PSD4: variants seen among roughly 807,000 people sequenced by gnomAD.
PSD4 encodes pleckstrin and Sec7 domain containing 4.
In PSD4, 59 loss-of-function variants were observed where a neutral mutation model predicts 112.5. The ratio of observed to expected loss-of-function variants is 0.52; its 90% confidence interval spans 0.43 to 0.65. The LOEUF (loss-of-function observed/expected upper bound fraction) is 0.65. Among genes scored for constraint, PSD4 ranks in the 30% least tolerant of loss-of-function variants. The pLI, the probability that PSD4 is intolerant of heterozygous loss-of-function variation, is 0.00. For missense variants in PSD4, 1,267 were observed against 1,352.6 expected (o/e 0.94, Z 0.99); for synonymous variants, 533 against 540.0 (o/e 0.99, Z 0.18).
At position 113,185,754 on chromosome 2, in the gene PSD4, G is replaced by A. The variant is rs766945011; in HGVS notation, c.1250-123G>A. The stretch of plus-strand genomic sequence containing the variant: ...AAGTGGGAGAGGTCACTGCCCGAGG[G>A]AGGACAGGGCATGCTGCCAGGCTCC... On this transcript the variant is annotated intron_variant, in intron 4 of 16. Transcript: ENST00000245796. The A allele has an allele frequency of 5.2e-6, 8 of 1,550,064 alleles. No homozygotes were observed. In the South Asian group the frequency reaches 9.6e-5, roughly 19 times the overall value.
chr2:113,192,360 T>C lies in PSD4; in HGVS notation c.1629-20T>C. The stretch of plus-strand genomic sequence containing the variant: ...CCTGCAAGAACACTTGACCCAGAGC[T>C]CCTGCATGTCTATCTCAAGTGAGAA... On this transcript the variant is annotated intron_variant, in intron 5 of 16. Transcript: ENST00000245796. 6.2e-7 allele frequency: 1 copy of C among 1,610,860 alleles called. No homozygotes were observed. Among genetic ancestry groups the C allele is most frequent in the Non-Finnish European group, 8.5e-7 (1 of 1,177,134 alleles).
chr2:113,196,279 AATGCATCAAGATGCAGACG>A lies in PSD4; in HGVS notation c.2359_2377del (p.Met787AlafsTer26). 1 of 1,613,690 alleles carries A rather than the reference AATGCATCAAGATGCAGACG, an allele frequency of 6.2e-7. No homozygotes were observed. Among genetic ancestry groups the A allele is most frequent in the Non-Finnish European group, 8.5e-7 (1 of 1,179,650 alleles). ...ACAAGCAGGGCATCCTGGCTCGGAAAATGCATCAAGATGCAGACGGCAAGAAGAGTGAGTGTCTGCTGCC... is the reference window on the plus strand; with the variant it reads ...ACAAGCAGGGCATCCTGGCTCGGAAAGCAAGAAGAGTGAGTGTCTGCTGCC... On this transcript the variant is annotated frameshift_variant, in exon 12 of 17. Transcript: ENST00000245796. LOFTEE classifies it high-confidence loss of function.
At position 113,207,970 on chromosome 2, in the gene PSD4, C is replaced by T. The variant is rs1688886433; in HGVS notation, c.*6555C>T. ...TGGCACGATCTCAATTCACTGCAACCTCTGCCTCCCGGGTTCAAGCAATTC... is the reference window on the plus strand; with the variant it reads ...TGGCACGATCTCAATTCACTGCAACTTCTGCCTCCCGGGTTCAAGCAATTC... On this transcript the variant is annotated 3_prime_UTR_variant, in exon 17 of 17. Transcript: ENST00000245796. 6.6e-6 allele frequency: 1 copy of T among 152,230 alleles called. No homozygotes were observed. Among genetic ancestry groups the T allele is most frequent in the South Asian group, 2.1e-4 (1 of 4,832 alleles). 9.4% of individuals were successfully genotyped at this position (152,230 alleles called of 1,614,324 possible).
intron 4 of PSD4, 89 bp from the exon 5 acceptor site, chr2:113,185,788 A>G (rs45573435): frequency 1.9e-6 from 3 of 1,551,928 alleles, no homozygotes; most frequent in Admixed American, 3.9e-5. Flanking sequence ...CCAGGGGAGG[A>G]GCCCCAGGGA....
chr2:113,196,153 A>C lies in PSD4; in HGVS notation c.2232A>C (p.Glu744Asp). The C allele has an allele frequency of 6.2e-7, 1 of 1,610,284 alleles. No individual in the cohort carries two copies. The highest frequency in any genetic ancestry group is 8.5e-7 in the Non-Finnish European group (1 of 1,176,874). The change falls in exon 12 of 17, where the codon GAA (glutamate) becomes GAC (aspartate). Residue 744 changes from glutamate (E) to aspartate (D), a missense_variant. Glu to Asp is a conservative substitution (Grantham distance 45). This residue lies in a region of PSD4 where 544 missense variants were observed against 648.6 expected (regional missense o/e 0.84). Transcript: ENST00000245796. ...RSEKLEWAVD[E>D]EDTARPEKAQ... ...CCGATTCTCTGATGTTCAGGGATGA[A>C]GAAGACACAGCCAGACCTGAGAAGG...
chr2:113,198,809 C>G lies in PSD4; in HGVS notation c.2694C>G (p.Pro898=), dbSNP rs780129848. Residue 898 remains proline, a synonymous_variant, in exon 15 of 17, where the codon CCC becomes CCG. Coordinates refer to ENST00000245796, the MANE Select transcript of PSD4 (RefSeq NM_012455.3). ...CTGCGGCCACGCACTCCGCGCCGCC[C>G]TTCCCCGCCGCTGTGGGCTCCCAGC... ...NLAAATHSAP[P]FPAAVGSQRR... The G allele has an allele frequency of 1.3e-5, 21 of 1,586,140 alleles. No individual in the cohort carries two copies. In the South Asian group the frequency reaches 2.3e-4, roughly 18 times the overall value.
intron 5 of PSD4, among the ~76,000 whole-genome samples, chr2:113,189,276 A>G (rs1248373125): frequency 6.6e-6 from 1 of 151,330 alleles, no homozygotes; most frequent in Non-Finnish European, 1.5e-5. Flanking sequence ...TGAATCATAT[A>G]TATATATATT....
intron 1 of PSD4, among the ~76,000 whole-genome samples, chr2:113,177,422 C>T (rs1039746713): frequency 6.6e-6 from 1 of 152,186 alleles, no homozygotes; most frequent in Admixed American, 6.5e-5. Flanking sequence ...AACGCCGACT[C>T]TCAGTCAAGG....
intron 1 of PSD4, among the ~76,000 whole-genome samples, chr2:113,175,026 C>A (rs1259879789): frequency 6.6e-6 from 1 of 152,146 alleles, no homozygotes; most frequent in Admixed American, 6.5e-5. Context: ...CCCCCTCCTC[C>A]TACAGACAAG....
At position 113,178,250 on chromosome 2, in the gene PSD4, C is replaced by T. The variant is rs1389662208; in HGVS notation, c.-111-4096C>T. 2.6e-5 allele frequency among the ~76,000 whole-genome samples: 4 copies of T among 152,072 alleles called. No homozygotes were observed. The East Asian group carries it at 7.7e-4, about 29-fold the overall frequency. ...ATGTCGCAGCCAGTCAAACTACATG[C>T]CTTGTCCCCACTGAATACCTGATCT... On this transcript the variant is annotated intron_variant, in intron 1 of 16. Coordinates refer to ENST00000245796, the MANE Select transcript of PSD4 (RefSeq NM_012455.3).
intron 1 of PSD4, among the ~76,000 whole-genome samples, chr2:113,179,797 C>A (rs1055619994): frequency 1.3e-5 from 2 of 152,174 alleles, no homozygotes; most frequent in Non-Finnish European, 2.9e-5. Context: ...AAGGGCCTCT[C>A]CTCTCGGAAA....
chr2:113,175,290 T>G (rs1193308574), intron 1 of PSD4: 1 of 153,166 alleles, frequency 6.5e-6, no homozygotes, highest in Non-Finnish European at 1.4e-5. Flanking sequence ...CATCCTCTGC[T>G]CCCTTCCTGA....
At chr2:113,184,688 C>T (rs1332449099) in intron 2 of PSD4, among the ~76,000 whole-genome samples, 2 of 152,130 alleles carry the variant, frequency 1.3e-5, no homozygotes, top group Non-Finnish European at 2.9e-5. Context: ...TTGTTCTAAG[C>T]ACTAACTTCT....
intron 1 of PSD4, among the ~76,000 whole-genome samples, chr2:113,176,218 G>A (rs758508838): frequency 6.6e-6 from 1 of 152,238 alleles, no homozygotes; most frequent in South Asian, 2.1e-4. Flanking sequence ...CAAACTCACT[G>A]TTAGAAAGCA....
In PSD4 at chr2:113,175,641, C is replaced by T. The variant is rs544727801; in HGVS notation, c.-112+1587C>T. ...CATACCTTTTCCATAGGAGGGAAAA[C>T]ATTTCCAGGGTAAAAGGAGGGAGCG... On this transcript the variant is annotated intron_variant, in intron 1 of 16. Transcript: ENST00000245796. Among the ~76,000 whole-genome samples the T allele has an allele frequency of 4.6e-5, 7 of 152,252 alleles. No individual in the cohort carries two copies. The East Asian group carries it at 1.4e-3, about 29-fold the overall frequency.
At chr2:113,190,325 C>A (rs1407263343) in intron 5 of PSD4, among the ~76,000 whole-genome samples, 1 of 152,180 alleles carries the variant, frequency 6.6e-6, no homozygotes, top group South Asian at 2.1e-4. Flanking sequence ...AAAGTGTGTC[C>A]TTTCCCCACT....
chr2:113,185,188 C>CCT, intron 3 of PSD4, 115 bp downstream of exon 3: 1 of 1,567,208 alleles, frequency 6.4e-7, no homozygotes. Context: ...CTTCTCACAT[C>CCT]AGGACTCCCC....
intron 2 of PSD4, 130 bp downstream of exon 2, chr2:113,183,642 T>C (rs1334837289): frequency 2.4e-6 from 2 of 839,190 alleles, no homozygotes; most frequent in African/African-American, 1.7e-5. Context: ...TGCATCAGTA[T>C]ATAGCAGGGT....
In PSD4 at chr2:113,204,494, C is replaced by T. The variant is rs3811059; in HGVS notation, c.*3079C>T. On this transcript the variant is annotated 3_prime_UTR_variant, in exon 17 of 17. Coordinates refer to ENST00000245796, the MANE Select transcript of PSD4 (RefSeq NM_012455.3). ...CCTTGTTCCCACCCCATGCTCCTCTCCCACCTGTGTCCTTCTCTTTGCAGG... is the reference window on the plus strand; with the variant it reads ...CCTTGTTCCCACCCCATGCTCCTCTTCCACCTGTGTCCTTCTCTTTGCAGG... The T allele has an allele frequency of 0.42, 64,574 of 152,236 alleles. 14,845 individuals carry two copies. The highest frequency in any genetic ancestry group is 0.65 in the East Asian group (3,341 of 5,164). 9.4% of individuals were successfully genotyped at this position (152,236 alleles called of 1,614,324 possible).
Sources: gnomAD v4.1 joint callset for allele counts (sites outside exome capture counted in the v4.1 genomes callset) on GRCh38, gnomAD v4.1.1 for gene constraint, gnomAD v4.1.1 regional missense constraint, MANE v1.5 for transcripts, NCBI Gene and HGNC (gene_info 2026-07-23, HGNC 2026-07-21) for gene names.